Variants in PALMD observed in about 807,000 individuals in gnomAD.
PALMD encodes palmdelphin.
PALMD carries 42 observed loss-of-function variants against 56.2 expected under a neutral mutation model. That is an observed-to-expected ratio of 0.75 (90% CI 0.58 to 0.97). PALMD has a LOEUF of 0.97. Among genes scored for constraint, PALMD ranks in the 50% least tolerant of loss-of-function variants. The pLI is 0.00. For synonymous variants in PALMD, 242 were observed against 222.9 expected (o/e 1.09, Z -0.76); for missense variants, 660 against 643.8 (o/e 1.03, Z -0.27).
chr1:99,683,098 G>T (rs1391417696), intron 3 of PALMD, among the ~76,000 whole-genome samples: 1 of 59,544 alleles, frequency 1.7e-5, no homozygotes, highest in African/African-American at 8.1e-5. Context: ...GAGAAAGAAA[G>T]AAAGAAAGAA....
At chr1:99,648,215 T>C (rs1476182611) in intron 1 of PALMD, among the ~76,000 whole-genome samples, 2 of 152,188 alleles carry the variant, frequency 1.3e-5, no homozygotes, top group Non-Finnish European at 2.9e-5. Context: ...AAAAAGTTTA[T>C]GGGAACAAAT....
rs994160112 is a variant in PALMD, at chr1:99,683,027, A to G, written c.252-3649A>G. Among the ~76,000 whole-genome samples the G allele has an allele frequency of 1.3e-3, 16 of 12,008 alleles. No individual in the cohort carries two copies. The East Asian group carries it at 0.035, about 26-fold the overall frequency. 7.9% of individuals were successfully genotyped at this position (12,008 alleles called of 152,430 possible). A position where few individuals can be genotyped will look rare whatever the true frequency, so the allele number is the denominator to read the frequency against. The stretch of plus-strand genomic sequence containing the variant: ...TCTCCAAAAAGAAAGAAGGAAAGAA[A>G]GAAAGAAAGAAAGAAAGAAAGAAAG... On this transcript the variant is annotated intron_variant, in intron 3 of 7. Coordinates refer to ENST00000263174, the MANE Select transcript of PALMD (RefSeq NM_017734.5).
rs760291034 is a variant in PALMD, at chr1:99,662,446, T to A, written c.126+47T>A. Reference sequence around the variant, plus strand: ...ATTTCAATGATTTTGTATTCAAAAATTCTATTGGTACTCAAATTTCAATAG... The same window carrying A: ...ATTTCAATGATTTTGTATTCAAAAAATCTATTGGTACTCAAATTTCAATAG... On this transcript the variant is annotated intron_variant, in intron 2 of 7. Coordinates refer to ENST00000263174, the MANE Select transcript of PALMD (RefSeq NM_017734.5). The A allele has an allele frequency of 2.8e-6, 3 of 1,080,626 alleles. No individual in the cohort carries two copies. In the East Asian group the frequency reaches 7.1e-5, roughly 26 times the overall value. 66.9% of individuals were successfully genotyped at this position (1,080,626 alleles called of 1,614,324 possible).
intron 3 of PALMD, among the ~76,000 whole-genome samples, chr1:99,674,805 T>A (rs1653165895): frequency 6.6e-6 from 1 of 152,142 alleles, no homozygotes; most frequent in Non-Finnish European, 1.5e-5. Context: ...ATCCAGAAAG[T>A]GGGAGGTGAA....
At chr1:99,648,910 A>G (rs1461235490) in intron 1 of PALMD, among the ~76,000 whole-genome samples, 4 of 147,488 alleles carry the variant, frequency 2.7e-5, no homozygotes, top group African/African-American at 7.4e-5. Context: ...AAAAAAGGTT[A>G]AACACATTAA....
chr1:99,666,243 GT>G (rs3835489), intron 2 of PALMD, among the ~76,000 whole-genome samples: 9,228 of 147,174 alleles, frequency 0.063, 345 homozygotes, highest in Middle Eastern at 0.17. Flanking sequence ...TGTTATATTG[GT>G]TTTTTTTTTA....
chr1:99,663,778 C>A (rs939866768), intron 2 of PALMD, among the ~76,000 whole-genome samples: 1 of 152,098 alleles, frequency 6.6e-6, no homozygotes, highest in Admixed American at 6.5e-5. Context: ...CCCCTTAGTT[C>A]GTTCTAGAAG....
At chr1:99,674,967 CA>C (rs1343451822) in intron 3 of PALMD, among the ~76,000 whole-genome samples, 2 of 152,286 alleles carry the variant, frequency 1.3e-5, no homozygotes, top group South Asian at 2.1e-4. Flanking sequence ...CTAATTTTAC[CA>C]GCTCAAAAAA....
At chr1:99,684,960 T>G (rs371518400) in intron 3 of PALMD, 6 of 152,350 alleles carry the variant, frequency 3.9e-5, no homozygotes, top group African/African-American at 1.4e-4. Flanking sequence ...GATTTGAACC[T>G]TCTTGTTTTC....
intron 7 of PALMD, 47 bp from the exon 8 acceptor site, chr1:99,693,972 A>T (rs529934865): frequency 7.1e-7 from 1 of 1,404,332 alleles, no homozygotes; most frequent in Non-Finnish European, 9.9e-7. Context: ...TAGAGTAAAA[A>T]TTGAGGATTT....
chr1:99,677,470 C>T (rs1446964822), intron 3 of PALMD, among the ~76,000 whole-genome samples: 1 of 151,906 alleles, frequency 6.6e-6, no homozygotes, highest in African/African-American at 2.4e-5. Context: ...ATCTAGAGGC[C>T]CTATTTCTTT....
intron 1 of PALMD, among the ~76,000 whole-genome samples, chr1:99,661,853 A>G (rs995708501): frequency 6.6e-6 from 1 of 152,044 alleles, no homozygotes; most frequent in African/African-American, 2.4e-5. Flanking sequence ...AACAGTCCCA[A>G]TTTCCAACTT....
chr1:99,652,716 AAAAGAAAAGAAAAGAAAAGAAAAG>A lies in PALMD; in HGVS notation c.45+6363_45+6386del, dbSNP rs1375796458. 8.8e-3 allele frequency among the ~76,000 whole-genome samples: 878 copies of A among 99,940 alleles called. 7 individuals carry two copies. The highest frequency in any genetic ancestry group is 0.022 in the African/African-American group (627 of 28,512). 65.6% of individuals were successfully genotyped at this position (99,940 alleles called of 152,430 possible). A position where few individuals can be genotyped will look rare whatever the true frequency, so the allele number is the denominator to read the frequency against. ...AAAGGAAAAGAAAAGAAAAGAAAAG[AAAAGAAAAGAAAAGAAAAGAAAAG>A]AAAGAAAACTTCCTCAGATTTCTAT... is the stretch of plus-strand genomic sequence containing the variant. On this transcript the variant is annotated intron_variant, in intron 1 of 7. Transcript: ENST00000263174.
chr1:99,662,133 A>G (rs1478579764), intron 1 of PALMD, among the ~76,000 whole-genome samples, 186 bp from the exon 2 acceptor site: 1 of 152,176 alleles, frequency 6.6e-6, no homozygotes, highest in Non-Finnish European at 1.5e-5. Context: ...ATTCTTTCCC[A>G]TAAGGAAAAT....
Position 99,692,893 on chromosome 1 carries a change from A to G in PALMD, c.1613-1126A>G, listed in dbSNP as rs1460693345. 2.6e-5 allele frequency among the ~76,000 whole-genome samples: 4 copies of G among 152,190 alleles called. No homozygotes were observed. The East Asian group carries it at 7.7e-4, about 29-fold the overall frequency. ...ATTCTCTCAGTTCATCCTAAATTCT[A>G]GGGAATATTCTTGGCCCTGCCACTA... On this transcript the variant is annotated intron_variant, in intron 7 of 7. Transcript: ENST00000263174.
In PALMD at chr1:99,687,129, C is replaced by T. The variant is rs1276441327; in HGVS notation, c.454C>T (p.Pro152Ser). Reference sequence around the variant, plus strand: ...CCCTGACCTTCCAAAGTCCTACATACCTTCTAGGTTAAGGAAGGAGATAAA... The same window carrying T: ...CCCTGACCTTCCAAAGTCCTACATATCTTCTAGGTTAAGGAAGGAGATAAA... ...NIPDLPKSYI[P>S]SRLRKEINEE... Residue 152 changes from proline (P) to serine (S), a missense_variant, in exon 6 of 8, where the codon CCT becomes TCT. Coordinates refer to ENST00000263174, the MANE Select transcript of PALMD (RefSeq NM_017734.5). 1.9e-6 allele frequency: 3 copies of T among 1,604,306 alleles called. No homozygotes were observed. In the South Asian group the frequency reaches 3.3e-5, roughly 18 times the overall value.
chr1:99,654,853 T>G (rs1010655625), intron 1 of PALMD, among the ~76,000 whole-genome samples: 18 of 152,154 alleles, frequency 1.2e-4, no homozygotes, highest in Non-Finnish European at 2.4e-4. Context: ...TGGTGGAGAA[T>G]GTGGATAAAT....
intron 1 of PALMD, among the ~76,000 whole-genome samples, chr1:99,649,515 C>A (rs1652518880): frequency 6.6e-6 from 1 of 152,116 alleles, no homozygotes; most frequent in Admixed American, 6.5e-5. Flanking sequence ...CTGAACGTAC[C>A]ACTGACAGAG....
Position 99,646,203 on chromosome 1 carries a change from G to C in PALMD, c.-115G>C, listed in dbSNP as rs1652440301. The C allele has an allele frequency of 3.7e-6, 3 of 812,446 alleles. No homozygotes were observed. The highest frequency in any genetic ancestry group is 2.6e-4 in the Middle Eastern group (1 of 3,886). The allele number at this position is 812,446 out of a possible 1,614,324, so 50.3% of individuals were successfully genotyped here. On this transcript the variant is annotated 5_prime_UTR_variant, in exon 1 of 8. Transcript: ENST00000263174. ...TTCTCTATTTCTCCACTGGTGCAAA[G>C]AGCGGATTTCTCCCTGCTTCTCTTC...
Sources: gnomAD v4.1 joint callset for allele counts (sites outside exome capture counted in the v4.1 genomes callset) on GRCh38, gnomAD v4.1.1 for gene constraint, MANE v1.5 for transcripts, NCBI Gene and HGNC (gene_info 2026-07-23, HGNC 2026-07-21) for gene names.